Variants in CWC27 observed in about 807,000 individuals in gnomAD.
CWC27 encodes spliceosome-associated protein CWC27 homolog.
A neutral mutation model predicts 63.6 loss-of-function variants in CWC27; 47 were observed. The ratio of observed to expected loss-of-function variants is 0.74; its 90% CI spans 0.58 to 0.94. The LOEUF (loss-of-function observed/expected upper bound fraction) is 0.94. Ranked by LOEUF, CWC27 falls within the 40% of genes least tolerant of loss-of-function variation. CWC27 has a pLI of 0.00. For missense variants in CWC27, 495 were observed against 554.3 expected (o/e 0.89, Z 1.07); for synonymous variants, 175 against 179.8 (o/e 0.97, Z 0.22).
intron 11 of CWC27, among the ~76,000 whole-genome samples, chr5:64,924,933 T>C (rs1414608317): frequency 1.3e-5 from 2 of 150,172 alleles, no homozygotes; most frequent in Non-Finnish European, 3.0e-5. Context: ...TTTGATGTAC[T>C]CTTTCCCTCT....
At chr5:64,849,738 C>T (rs1327659402) in intron 10 of CWC27, among the ~76,000 whole-genome samples, 1 of 152,000 alleles carries the variant, frequency 6.6e-6, no homozygotes, top group Non-Finnish European at 1.5e-5. Flanking sequence ...AGGTTTTGCC[C>T]ATGCTGTTCT....
chr5:64,885,579 T>A, intron 11 of CWC27, 33 bp downstream of exon 11: 4 of 1,463,960 alleles, frequency 2.7e-6, no homozygotes, highest in Non-Finnish European at 3.8e-6. Flanking sequence ...TTTTTTCACT[T>A]GATACTCCTC....
chr5:64,850,225 C>CAAAAAAAAAAAAAAA (rs61174118), intron 10 of CWC27, among the ~76,000 whole-genome samples: 59 of 129,438 alleles, frequency 4.6e-4, no homozygotes, highest in African/African-American at 1.2e-3. Context: ...TGGTACTGGC[C>CAAAAAAAAAAAAAAA]AAAAAAAAAG....
At chr5:64,829,259 C>T (rs1194107520) in intron 10 of CWC27, among the ~76,000 whole-genome samples, 1 of 152,056 alleles carries the variant, frequency 6.6e-6, no homozygotes, top group Non-Finnish European at 1.5e-5. Flanking sequence ...CAGTCAATTT[C>T]CAATTTTAGA....
chr5:64,986,101 A>G (rs1437144062), intron 13 of CWC27, among the ~76,000 whole-genome samples: 1 of 152,092 alleles, frequency 6.6e-6, no homozygotes, highest in Non-Finnish European at 1.5e-5. Flanking sequence ...TGCCACCACA[A>G]TAAAGAAGGA....
intron 11 of CWC27, among the ~76,000 whole-genome samples, chr5:64,943,365 G>A (rs1370541184): frequency 6.6e-6 from 1 of 152,182 alleles, no homozygotes; most frequent in Non-Finnish European, 1.5e-5. Context: ...ATGGCATGCT[G>A]CTTTTTATAC....
At chr5:64,841,551 T>C (rs992821519) in intron 10 of CWC27, among the ~76,000 whole-genome samples, 2 of 152,258 alleles carry the variant, frequency 1.3e-5, no homozygotes, top group African/African-American at 4.8e-5. Context: ...ATTTCTGTAA[T>C]ATCTATCACT....
intron 7 of CWC27, among the ~76,000 whole-genome samples, chr5:64,792,421 G>A (rs1390773108): frequency 1.3e-5 from 2 of 152,002 alleles, no homozygotes; most frequent in Middle Eastern, 3.2e-3. Context: ...TGCCTTTCTT[G>A]ATGTTCTTTT....
chr5:64,858,715 TAG>T (rs1444550071), intron 10 of CWC27, among the ~76,000 whole-genome samples: 1 of 151,840 alleles, frequency 6.6e-6, no homozygotes, highest in African/African-American at 2.4e-5. Flanking sequence ...TAACACTCAC[TAG>T]ATTGACATTT....
chr5:64,985,612 G>A (rs1749410776), intron 13 of CWC27, among the ~76,000 whole-genome samples: 1 of 152,056 alleles, frequency 6.6e-6, no homozygotes, highest in African/African-American at 2.4e-5. Flanking sequence ...TGTTGGCCTG[G>A]TACCTGCAAC....
chr5:64,979,964 G>GT (rs1749304547), intron 13 of CWC27, among the ~76,000 whole-genome samples: 2 of 92,242 alleles, frequency 2.2e-5, no homozygotes, highest in South Asian at 4.0e-4. Context: ...TACTTTTTAT[G>GT]TAAAAAAAAA....
chr5:64,890,789 C>T (rs894117052), intron 11 of CWC27, among the ~76,000 whole-genome samples: 8 of 151,988 alleles, frequency 5.3e-5, no homozygotes, highest in African/African-American at 1.9e-4. Context: ...AGTGAGGGAG[C>T]GTATACTCTA....
intron 13 of CWC27, among the ~76,000 whole-genome samples, chr5:64,996,084 G>A (rs1449936198): frequency 6.6e-6 from 1 of 152,056 alleles, no homozygotes; most frequent in Admixed American, 6.6e-5. Context: ...GCCATTTTCT[G>A]GTATGGGCAT....
intron 1 of CWC27, among the ~76,000 whole-genome samples, chr5:64,771,790 G>GT (rs937300144): frequency 6.6e-6 from 1 of 152,190 alleles, no homozygotes; most frequent in African/African-American, 2.4e-5. Flanking sequence ...CAAAGAGAAT[G>GT]TATGGCCAGA....
intron 10 of CWC27, among the ~76,000 whole-genome samples, chr5:64,830,772 G>T: frequency 6.6e-6 from 1 of 152,126 alleles, no homozygotes. Flanking sequence ...CAAAGGATAT[G>T]AACAGACACT....
intron 9 of CWC27, among the ~76,000 whole-genome samples, chr5:64,803,555 G>A (rs528022145): frequency 2.6e-5 from 4 of 152,310 alleles, no homozygotes; most frequent in African/African-American, 9.6e-5. Context: ...ATTTTAATAG[G>A]TTAATCTCAT....
chr5:64,958,405 T>A (rs10050854), intron 11 of CWC27, among the ~76,000 whole-genome samples: 9 of 152,026 alleles, frequency 5.9e-5, no homozygotes, highest in Non-Finnish European at 7.4e-5. Flanking sequence ...TCAGTTTTTT[T>A]ATCTGTAAAA....
chr5:64,856,568 G>A (rs1746265739), intron 10 of CWC27, among the ~76,000 whole-genome samples: 1 of 151,622 alleles, frequency 6.6e-6, no homozygotes, highest in African/African-American at 2.4e-5. Context: ...ATTTTTTAGT[G>A]GTGACATTTT....
intron 3 of CWC27, among the ~76,000 whole-genome samples, 192 bp from the exon 4 acceptor site, chr5:64,783,638 CTGAGTA>C (rs1198750284): frequency 1.2e-4 from 18 of 152,248 alleles, no homozygotes; most frequent in Non-Finnish European, 1.9e-4. Context: ...ATATTTCTGT[CTGAGTA>C]TATTTAGAAG....
Sources: gnomAD v4.1 joint callset for allele counts (sites outside exome capture counted in the v4.1 genomes callset) on GRCh38, gnomAD v4.1.1 for gene constraint, MANE v1.5 for transcripts, NCBI Gene and HGNC (gene_info 2026-07-23, HGNC 2026-07-21) for gene names.